Variants in SPOCK3 observed in about 807,000 individuals in gnomAD.
The protein encoded by SPOCK3 is testican-3.
In SPOCK3, 30 loss-of-function variants were observed where a neutral mutation model predicts 56.6. The ratio of observed to expected loss-of-function variants is 0.53; its 90% CI spans 0.40 to 0.72. The LOEUF (loss-of-function observed/expected upper bound fraction) is 0.72, where lower values mean the gene tolerates loss of function less well. Ranked by LOEUF, SPOCK3 falls within the 30% of genes least tolerant of loss-of-function variation. The pLI is 0.00. For synonymous variants in SPOCK3, 196 were observed against 183.3 expected (o/e 1.07, Z -0.56); for missense variants, 527 against 530.0 (o/e 0.99, Z 0.06).
At chr4:166,899,899 G>T (rs1735857634) in intron 5 of SPOCK3, among the ~76,000 whole-genome samples, 1 of 152,160 alleles carries the variant, frequency 6.6e-6, no homozygotes, top group African/African-American at 2.4e-5. Context: ...CTATCTCTTT[G>T]ATTCTTACCA....
At chr4:167,060,015 T>G (rs1194278913) in intron 3 of SPOCK3, among the ~76,000 whole-genome samples, 77 of 122,762 alleles carry the variant, frequency 6.3e-4, no homozygotes, top group Admixed American at 1.3e-3. Context: ...GTGGGGGGAG[T>G]GGGGAGGGAT....
rs534374543 is a variant in SPOCK3 at position 167,119,132 on chromosome 4, C to T, written c.190-56595G>A. 6.2e-4 allele frequency among the ~76,000 whole-genome samples: 10 copies of T among 16,174 alleles called. No individual in the cohort carries two copies. In the South Asian group the frequency reaches 0.012, roughly 19 times the overall value. The allele number at this position is 16,174 out of a possible 152,430, so 10.6% of individuals were successfully genotyped here. A position where few individuals can be genotyped will look rare whatever the true frequency, so the allele number is the denominator to read the frequency against. ...CAATTTTAAGTTCTGAACTAGAAGG[C>T]GGGGTGGGGGAGGGGGGGGAACACC... is the stretch of plus-strand genomic sequence containing the variant. On this transcript the variant is annotated intron_variant, in intron 2 of 10. Coordinates refer to ENST00000357545, the MANE Select transcript of SPOCK3 (RefSeq NM_001040159.2).
At chr4:167,198,758 G>T (rs1733214520) in intron 2 of SPOCK3, among the ~76,000 whole-genome samples, 1 of 152,028 alleles carries the variant, frequency 6.6e-6, no homozygotes, top group Non-Finnish European at 1.5e-5. Context: ...ACAGATTTCA[G>T]CTCACTCAAG....
At chr4:167,104,159 C>A (rs1392019390) in intron 2 of SPOCK3, among the ~76,000 whole-genome samples, 1 of 152,144 alleles carries the variant, frequency 6.6e-6, no homozygotes, top group Non-Finnish European at 1.5e-5. Flanking sequence ...ACACCTAATT[C>A]TTCAATGCCC....
At chr4:166,996,450 C>T (rs941321851) in intron 4 of SPOCK3, among the ~76,000 whole-genome samples, 46 of 152,172 alleles carry the variant, frequency 3.0e-4, no homozygotes, top group Non-Finnish European at 6.2e-4. Flanking sequence ...CAGCTGTCAG[C>T]ATCTTCAGAT....
At chr4:167,075,839 G>T in intron 2 of SPOCK3, among the ~76,000 whole-genome samples, 1 of 151,846 alleles carries the variant, frequency 6.6e-6, no homozygotes, top group Middle Eastern at 3.4e-3. Flanking sequence ...TGTGAATTAG[G>T]ATATATATGT....
chr4:166,933,242 G>T (rs1579699034), intron 4 of SPOCK3, among the ~76,000 whole-genome samples: 2 of 152,272 alleles, frequency 1.3e-5, no homozygotes, highest in South Asian at 4.2e-4. Flanking sequence ...GCTAAAAAAT[G>T]ATAAAATGAA....
intron 5 of SPOCK3, among the ~76,000 whole-genome samples, chr4:166,909,819 A>G (rs1385617819): frequency 6.6e-6 from 1 of 152,166 alleles, no homozygotes; most frequent in Admixed American, 6.6e-5. Flanking sequence ...AAATTTAGTG[A>G]TCCAAGAGCC....
At chr4:166,952,956 C>T (rs1742867496) in intron 4 of SPOCK3, among the ~76,000 whole-genome samples, 1 of 150,516 alleles carries the variant, frequency 6.6e-6, no homozygotes. Context: ...AAGACTTAAA[C>T]GTTAGACCTA....
chr4:167,023,255 C>T (rs1345746339), intron 3 of SPOCK3, among the ~76,000 whole-genome samples: 1 of 151,830 alleles, frequency 6.6e-6, no homozygotes, highest in Non-Finnish European at 1.5e-5. Context: ...ATGCATCTCC[C>T]TGGACTAACT....
intron 4 of SPOCK3, among the ~76,000 whole-genome samples, chr4:166,953,570 C>A (rs983965272): frequency 2.6e-5 from 4 of 152,046 alleles, no homozygotes; most frequent in Non-Finnish European, 5.9e-5. Context: ...TTTGACCCAG[C>A]CATCCCATTA....
At position 167,062,557 on chromosome 4, in the gene SPOCK3, G is replaced by A. The variant is rs1305761406; in HGVS notation, c.190-20C>T. On this transcript the variant is annotated intron_variant, in intron 2 of 10. Coordinates refer to ENST00000357545, the MANE Select transcript of SPOCK3 (RefSeq NM_001040159.2). ...ATCATCCTAAGGGGGAAAATAATGT[G>A]AATTGAGTGTATACAAGTAATTAAA... 6.3e-7 allele frequency: 1 copy of A among 1,587,988 alleles called. No individual in the cohort carries two copies. The highest frequency in any genetic ancestry group is 1.7e-5 in the Admixed American group (1 of 59,074).
chr4:166,824,550 T>G (rs1204234572), intron 6 of SPOCK3, among the ~76,000 whole-genome samples: 1 of 152,080 alleles, frequency 6.6e-6, no homozygotes, highest in Non-Finnish European at 1.5e-5. Flanking sequence ...GGAGCGTCTG[T>G]GAAAGGTTTC....
chr4:167,130,129 G>T (rs898282270), intron 2 of SPOCK3, among the ~76,000 whole-genome samples: 1 of 151,872 alleles, frequency 6.6e-6, no homozygotes, highest in Non-Finnish European at 1.5e-5. Context: ...CGTCTTCCCC[G>T]CTCAGCTTCT....
intron 6 of SPOCK3, among the ~76,000 whole-genome samples, chr4:166,864,192 A>G (rs1260990242): frequency 2.6e-5 from 4 of 152,180 alleles, no homozygotes; most frequent in Non-Finnish European, 5.9e-5. Context: ...CTGGGTAAAT[A>G]ACAAAATTAA....
chr4:166,909,710 G>C (rs992870568), intron 5 of SPOCK3, among the ~76,000 whole-genome samples: 2 of 152,164 alleles, frequency 1.3e-5, no homozygotes, highest in South Asian at 2.1e-4. Context: ...CTTCAAGCAA[G>C]GAGCTTCATG....
intron 6 of SPOCK3, among the ~76,000 whole-genome samples, chr4:166,794,279 C>G (rs924502190): frequency 6.8e-6 from 1 of 147,502 alleles, no homozygotes; most frequent in African/African-American, 2.5e-5. Flanking sequence ...CCTGCTGTCT[C>G]TGTTTAAGCC....
At chr4:167,009,672 G>A (rs1749831256) in intron 3 of SPOCK3, among the ~76,000 whole-genome samples, 1 of 151,200 alleles carries the variant, frequency 6.6e-6, no homozygotes, top group African/African-American at 2.4e-5. Context: ...ATAATGAAGA[G>A]GATCACACAC....
At chr4:166,883,456 T>C (rs1733876747) in intron 6 of SPOCK3, among the ~76,000 whole-genome samples, 1 of 152,226 alleles carries the variant, frequency 6.6e-6, no homozygotes, top group East Asian at 1.9e-4. Flanking sequence ...AGATGAGATA[T>C]CTTTTGTTAA....
Sources: gnomAD v4.1 joint callset for allele counts (sites outside exome capture counted in the v4.1 genomes callset) on GRCh38, gnomAD v4.1.1 for gene constraint, MANE v1.5 for transcripts, NCBI Gene and HGNC (gene_info 2026-07-23, HGNC 2026-07-21) for gene names.